Variants in SESN2 observed in about 807,000 individuals in gnomAD.
SESN2 encodes the protein sestrin-2.
SESN2 carries 42 observed loss-of-function variants against 56.0 expected under a neutral mutation model. That is an observed-to-expected ratio of 0.75 (90% CI 0.59 to 0.97). The LOEUF is 0.97. Among genes scored for constraint, SESN2 ranks in the 50% least tolerant of loss-of-function variants. The pLI is 0.00. For missense variants in SESN2, 507 were observed against 649.4 expected (o/e 0.78, Z 2.38); for synonymous variants, 264 against 267.1 (o/e 0.99, Z 0.11).
intron 5 of SESN2, 37 bp downstream of exon 5, chr1:28,272,830 C>G: frequency 8.1e-7 from 1 of 1,227,820 alleles, no homozygotes; most frequent in Non-Finnish European, 1.2e-6. Context: ...GGGGAGGAAG[C>G]GGGCATGACC....
intron 8 of SESN2, 82 bp downstream of exon 8, chr1:28,275,097 TG>T: frequency 9.4e-7 from 1 of 1,059,790 alleles, no homozygotes; most frequent in South Asian, 2.2e-5. Context: ...ATTTTCTTTT[TG>T]TTTTTTTCTT....
At chr1:28,277,456 T>C (rs1382698877) in intron 8 of SESN2, among the ~76,000 whole-genome samples, 1 of 152,228 alleles carries the variant, frequency 6.6e-6, no homozygotes, top group Non-Finnish European at 1.5e-5. Context: ...CCTCAAGCTA[T>C]CCGCTCGCCT....
At chr1:28,272,889 AC>A in intron 5 of SESN2, 96 bp downstream of exon 5, 1 of 672,418 alleles carries the variant, frequency 1.5e-6, no homozygotes, top group South Asian at 1.9e-5. Flanking sequence ...TATCTGCACT[AC>A]CTGCTGCTAT....
chr1:28,272,294 G>A lies in SESN2; in HGVS notation c.365G>A (p.Arg122His), dbSNP rs763209004. 1.5e-5 allele frequency: 24 copies of A among 1,613,644 alleles called. No individual in the cohort carries two copies. The highest frequency in any genetic ancestry group is 3.3e-5 in the Admixed American group (2 of 59,982). The change falls in exon 4 of 10, where the codon CGC becomes CAC. Residue 122 changes from arginine (R) to histidine (H), a missense_variant. By Grantham distance (29) the Arg-to-His change is conservative (BLOSUM62 0). Transcript: ENST00000253063. Reference sequence around the variant, plus strand: ...CCACTACCTCCGCAGGCTGCCGCCCGCCATCAGTGTTCTTACCTGGTAGGC... The same window carrying A: ...CCACTACCTCCGCAGGCTGCCGCCCACCATCAGTGTTCTTACCTGGTAGGC... ...RHYIAIMAAA[R>H]HQCSYLVGSH...
chr1:28,259,997 A>G, intron 1 of SESN2, 60 bp downstream of exon 1: 2 of 1,316,244 alleles, frequency 1.5e-6, no homozygotes, highest in South Asian at 1.3e-5. Flanking sequence ...TCTGAGCCTC[A>G]GGCTGTCCGG....
At chr1:28,263,689 C>T (rs1435014345) in intron 1 of SESN2, among the ~76,000 whole-genome samples, 2 of 152,008 alleles carry the variant, frequency 1.3e-5, no homozygotes, top group African/African-American at 4.8e-5. Context: ...CTGGGTTCAA[C>T]TCTCCAAGGC....
chr1:28,265,817 C>T (rs1456410218), intron 1 of SESN2, among the ~76,000 whole-genome samples: 1 of 150,260 alleles, frequency 6.7e-6, no homozygotes, highest in African/African-American at 2.4e-5. Flanking sequence ...TGAACCACCC[C>T]ACTTAGGCCC....
chr1:28,268,344 T>C (rs550047161), intron 1 of SESN2, among the ~76,000 whole-genome samples: 2 of 151,962 alleles, frequency 1.3e-5, no homozygotes, highest in Admixed American at 1.3e-4. Context: ...GCCCAGCAGT[T>C]TGAGGCTATA....
Position 28,273,381 on chromosome 1 carries a change from G to A in SESN2, c.774G>A (p.Val258=), listed in dbSNP as rs199851217. 3.1e-6 allele frequency: 5 copies of A among 1,605,132 alleles called. No individual in the cohort carries two copies. The Admixed American group carries it at 5.1e-5, about 16-fold the overall frequency. ...AGGGCTTTGAGTCTGCCCGCGACGT[G>A]GAGGCGCTGATGGAGCGCATGCAGC... ...NSGGFESARD[V]EALMERMQQL... is the part of the protein sequence containing the mutation. Residue 258 remains valine (V), a synonymous_variant, in exon 6 of 10, where the codon GTG becomes GTA. Transcript: ENST00000253063.
At chr1:28,262,211 A>G (rs933655582) in intron 1 of SESN2, among the ~76,000 whole-genome samples, 1 of 152,110 alleles carries the variant, frequency 6.6e-6, no homozygotes, top group Admixed American at 6.5e-5. Flanking sequence ...GGTCCAAGAG[A>G]AGACCCAGGC....
At position 28,281,449 on chromosome 1, in the gene SESN2, A is replaced by AT. The variant is rs768412748; in HGVS notation, c.*648dup. 4 of 143,798 alleles carry AT rather than the reference A, an allele frequency of 2.8e-5. No individual in the cohort carries two copies. Among genetic ancestry groups the AT allele is most frequent in the African/African-American group, 1.0e-4 (4 of 39,928 alleles). The allele number at this position is 143,798 out of a possible 1,614,324, so 8.9% of individuals were successfully genotyped here. A position where few individuals can be genotyped will look rare whatever the true frequency, so the allele number is the denominator to read the frequency against. Reference sequence around the variant, plus strand: ...AGGCGTCAGGAGAGAGGCCAAGTACATAAAAAAAAAAAAAGCAGATTATCT... The same window carrying AT: ...AGGCGTCAGGAGAGAGGCCAAGTACATTAAAAAAAAAAAAAGCAGATTATCT... On this transcript the variant is annotated 3_prime_UTR_variant, in exon 10 of 10. Coordinates refer to ENST00000253063, the MANE Select transcript of SESN2 (RefSeq NM_031459.5).
chr1:28,275,264 CAT>C (rs1049651114), intron 8 of SESN2, among the ~76,000 whole-genome samples: 22 of 151,756 alleles, frequency 1.4e-4, no homozygotes, highest in Middle Eastern at 3.4e-3. Context: ...CACACACACA[CAT>C]ACTCACACAT....
intron 9 of SESN2, among the ~76,000 whole-genome samples, chr1:28,279,692 T>C (rs1246689470): frequency 1.3e-5 from 2 of 151,428 alleles, no homozygotes; most frequent in Non-Finnish European, 2.9e-5. Flanking sequence ...ACTACAGGCG[T>C]GTGCCACCAT....
intron 5 of SESN2, among the ~76,000 whole-genome samples, chr1:28,272,995 G>T (rs1310719944): frequency 1.3e-4 from 20 of 152,104 alleles, no homozygotes. Flanking sequence ...GGGCTGTGAG[G>T]GTTAAATGAA....
chr1:28,262,118 A>G (rs1647393801), intron 1 of SESN2, among the ~76,000 whole-genome samples: 1 of 152,100 alleles, frequency 6.6e-6, no homozygotes, highest in South Asian at 2.1e-4. Flanking sequence ...TCTCGAGAAA[A>G]GAGGACCTTC....
At chr1:28,279,911 C>T (rs942603108) in intron 9 of SESN2, among the ~76,000 whole-genome samples, 2 of 151,912 alleles carry the variant, frequency 1.3e-5, no homozygotes, top group South Asian at 2.1e-4. Flanking sequence ...TGGAGCGCAG[C>T]GGTGTGATTT....
At chr1:28,269,933 C>G (rs79155269) in intron 2 of SESN2, among the ~76,000 whole-genome samples, 5,185 of 152,236 alleles carry the variant, frequency 0.034, 118 homozygotes, top group Middle Eastern at 0.054. Flanking sequence ...ACAAGACAGA[C>G]AAAAATATTT....
At chr1:28,273,532 C>T in intron 6 of SESN2, 24 bp downstream of exon 6, 1 of 1,541,598 alleles carries the variant, frequency 6.5e-7, no homozygotes, top group South Asian at 1.2e-5. Flanking sequence ...GGCATCCAGG[C>T]TCCCGTGGCT....
chr1:28,272,205 T>C, intron 3 of SESN2, 79 bp from the exon 4 acceptor site: 1 of 1,454,710 alleles, frequency 6.9e-7, no homozygotes, highest in Non-Finnish European at 9.5e-7. Context: ...CCCTACAACC[T>C]CTCCCCTGAT....
Sources: gnomAD v4.1 joint callset for allele counts (sites outside exome capture counted in the v4.1 genomes callset) on GRCh38, gnomAD v4.1.1 for gene constraint, MANE v1.5 for transcripts, NCBI Gene and HGNC (gene_info 2026-07-23, HGNC 2026-07-21) for gene names.